The following PCDH1 variants were observed in gnomAD, a reference collection of about 807,000 sequenced individuals.
PCDH1 encodes protocadherin 1.
A neutral mutation model predicts 74.6 loss-of-function variants in PCDH1; 23 were observed. The ratio of observed to expected loss-of-function variants is 0.31; its 90% CI spans 0.22 to 0.44. The LOEUF (loss-of-function observed/expected upper bound fraction) is 0.44, where lower values mean the gene tolerates loss of function less well. Among genes scored for constraint, PCDH1 ranks in the 20% least tolerant of loss-of-function variants. PCDH1 has a pLI of 1.00. For synonymous variants in PCDH1, 647 were observed against 686.1 expected (o/e 0.94, Z 0.89); for missense variants, 1,214 against 1,641.4 (o/e 0.74, Z 4.50).
rs1752733539 is a variant in PCDH1, at chr5:141,864,629, T to G, written c.1702A>C (p.Thr568Pro). Residue 568 changes from threonine (T) to proline (P), a missense_variant, in exon 3 of 5, where the codon ACA (threonine) becomes CCA (proline). Physicochemically the swap from Thr to Pro is conservative, Grantham distance 38 (BLOSUM62 -1). Coordinates refer to ENST00000287008, the MANE Select transcript of PCDH1 (RefSeq NM_032420.5). This position sits in a 1 kb window ranked among gnomAD's most constrained non-coding sequence, Gnocchi z 5.9. Reference protein sequence around the residue: ...SPETGEIQVKTSLDREQRESY... With the variant: ...SPETGEIQVKPSLDREQRESY... Reference sequence around the variant, plus strand: ...TCCCGCTGTTCCCGATCCAGAGATGTCTTCACCTGGATCTCTCCAGTCTCG... The same window carrying G: ...TCCCGCTGTTCCCGATCCAGAGATGGCTTCACCTGGATCTCTCCAGTCTCG... 6.2e-7 allele frequency: 1 copy of G among 1,613,506 alleles called. No individual in the cohort carries two copies. Among genetic ancestry groups the G allele is most frequent in the Non-Finnish European group, 8.5e-7 (1 of 1,179,992 alleles).
chr5:141,863,535 C>A lies in PCDH1; in HGVS notation c.2796G>T (p.Gly932=). ...GGTTGAACTTGAGGGACTTCTGCAG[C>A]CCGGCCTCATCCTCGTCCTCCACTG... ...VKPVEDEDEA[G]LQKSLKFNLM... The change falls in exon 3 of 5, where the codon GGG becomes GGT. Residue 932 remains glycine (G), a synonymous_variant. Coordinates refer to ENST00000287008, the MANE Select transcript of PCDH1 (RefSeq NM_032420.5). The surrounding 1 kb of genome is among the most constrained non-coding windows in gnomAD (Gnocchi z 7.5). 1 of 1,614,054 alleles carries A rather than the reference C, an allele frequency of 6.2e-7. No individual in the cohort carries two copies. Among genetic ancestry groups the A allele is most frequent in the South Asian group, 1.1e-5 (1 of 91,072 alleles).
chr5:141,862,620 T>G (rs1287672981), intron 3 of PCDH1: 2 of 985,356 alleles, frequency 2.0e-6, no homozygotes, highest in Non-Finnish European at 2.4e-6. Flanking sequence ...TCTCGCTGCT[T>G]CTCTCAGTTC....
chr5:141,854,430 C>G lies in PCDH1; in HGVS notation c.3326G>C (p.Arg1109Pro). Residue 1109 changes from arginine to proline, a missense_variant, in exon 5 of 5, where the codon CGC becomes CCC. Physicochemically the swap from Arg to Pro is moderately radical, Grantham distance 103. Around this residue, in one of 4 missense-constraint regions of PCDH1, gnomAD observed 194 missense variants for 198.3 expected, o/e 0.98. Coordinates refer to ENST00000287008, the MANE Select transcript of PCDH1 (RefSeq NM_032420.5). ...TGTCATGGCGACATCAGGCAAAGGG[C>G]GAAGGTCTGTAGGAGGGAGCGGGGA... ...GEMEHPENDL[R>P]PLPDVAMTGT... The G allele has an allele frequency of 6.2e-7, 1 of 1,606,554 alleles. No homozygotes were observed.
rs564365842 is a variant in PCDH1, at chr5:141,858,328, A to G, written c.3100-857T>C. ...TGGAAACTCCCCAGTCCTCCCGATCAGGAAATAGAATATTCACTGGAGAGG... is the reference window on the plus strand; with the variant it reads ...TGGAAACTCCCCAGTCCTCCCGATCGGGAAATAGAATATTCACTGGAGAGG... On this transcript the variant is annotated intron_variant, in intron 3 of 4. Transcript: ENST00000287008. Among the ~76,000 whole-genome samples the G allele has an allele frequency of 6.6e-5, 10 of 152,358 alleles. No homozygotes were observed. In the East Asian group the frequency reaches 1.7e-3, roughly 26 times the overall value.
At chr5:141,858,073 T>C (rs771213093) in intron 3 of PCDH1, among the ~76,000 whole-genome samples, 1 of 152,186 alleles carries the variant, frequency 6.6e-6, no homozygotes. Context: ...GTCTCACTGC[T>C]CTTGCCACTG....
Position 141,868,638 on chromosome 5 carries a change from G to C in PCDH1, c.834C>G (p.Pro278=). The part of the protein sequence containing the change: ...VTVLDTNDNA[P]KFERPSYEAE... ...CCTCATAGGAGGGCCGCTCAAACTT[G>C]GGGGCGTTGTCATTGGTGTCAAGCA... The change falls in exon 2 of 5, where the codon CCC becomes CCG. Residue 278 remains proline, a synonymous_variant. Coordinates refer to ENST00000287008, the MANE Select transcript of PCDH1 (RefSeq NM_032420.5). This position sits in a 1 kb window ranked among gnomAD's most constrained non-coding sequence, Gnocchi z 4.8. 3 of 1,602,866 alleles carry C rather than the reference G, an allele frequency of 1.9e-6. No homozygotes were observed. In the South Asian group the frequency reaches 3.3e-5, roughly 18 times the overall value.
At chr5:141,859,390 T>C (rs1231719613) in intron 3 of PCDH1, among the ~76,000 whole-genome samples, 6 of 152,252 alleles carry the variant, frequency 3.9e-5, no homozygotes, top group African/African-American at 1.4e-4. Flanking sequence ...CACTTAATGT[T>C]CCCTCTAATT....
Position 141,878,372 on chromosome 5 carries a change from G to T in PCDH1, c.-110C>A. ...TGGCTCTGGGCGCAGCAGCCCGGCGGCTTTGCGTCCGCGCCGCGCTCCCGC... is the reference window on the plus strand; with the variant it reads ...TGGCTCTGGGCGCAGCAGCCCGGCGTCTTTGCGTCCGCGCCGCGCTCCCGC... On this transcript the variant is annotated 5_prime_UTR_variant, in exon 1 of 5. Coordinates refer to ENST00000287008, the MANE Select transcript of PCDH1 (RefSeq NM_032420.5). This position sits in a 1 kb window ranked among gnomAD's most constrained non-coding sequence, Gnocchi z 5.5. 2.4e-6 allele frequency: 2 copies of T among 833,386 alleles called. No individual in the cohort carries two copies. Among genetic ancestry groups the T allele is most frequent in the South Asian group, 5.7e-5 (1 of 17,582 alleles). 51.6% of individuals were successfully genotyped at this position (833,386 alleles called of 1,614,324 possible).
In PCDH1 at chr5:141,864,690, A is replaced by T; in HGVS notation, c.1641T>A (p.Pro547=). The T allele has an allele frequency of 1.9e-6, 3 of 1,614,160 alleles. No individual in the cohort carries two copies. Among genetic ancestry groups the T allele is most frequent in the Non-Finnish European group, 2.5e-6 (3 of 1,180,038 alleles). The change falls in exon 3 of 5, where the codon CCT becomes CCA. Residue 547 remains proline (P), a synonymous_variant. Coordinates refer to ENST00000287008, the MANE Select transcript of PCDH1 (RefSeq NM_032420.5). The surrounding 1 kb of genome is among the most constrained non-coding windows in gnomAD (Gnocchi z 5.9). The stretch of plus-strand genomic sequence containing the variant: ...TGAAGAGGCCCTTAGCAGCCGGCTC[A>T]GGCTCCAGAGAGTAAACCAGCTCAG... ...SNAELVYSLE[P]EPAAKGLFTI...
intron 1 of PCDH1, among the ~76,000 whole-genome samples, chr5:141,877,736 T>A (rs537122652): frequency 6.6e-6 from 1 of 152,276 alleles, no homozygotes; most frequent in East Asian, 1.9e-4. Flanking sequence ...TGTGTATATA[T>A]GTCCACGGTC....
intron 2 of PCDH1, chr5:141,867,584 G>A (rs1458087486): frequency 1.5e-5 from 7 of 453,314 alleles, no homozygotes; most frequent in African/African-American, 1.4e-4. Flanking sequence ...TTCTTTCTCA[G>A]TCTCTTTTCC....
At position 141,878,309 on chromosome 5, in the gene PCDH1, G is replaced by C; in HGVS notation, c.-47C>G. ...TGGGCTGCGGCTCCGCACGGCTGGG[G>C]CTGGAGCTGCAGTTCGGGCTCCGGC... On this transcript the variant is annotated 5_prime_UTR_variant, in exon 1 of 5. Coordinates refer to ENST00000287008, the MANE Select transcript of PCDH1 (RefSeq NM_032420.5). This position sits in a 1 kb window ranked among gnomAD's most constrained non-coding sequence, Gnocchi z 5.5. 4.2e-6 allele frequency: 5 copies of C among 1,204,098 alleles called. No homozygotes were observed. Among genetic ancestry groups the C allele is most frequent in the Non-Finnish European group, 5.2e-6 (5 of 970,034 alleles). 74.6% of individuals were successfully genotyped at this position (1,204,098 alleles called of 1,614,324 possible).
rs1752748128 is a variant in PCDH1, at chr5:141,864,857, G to A, written c.1474C>T (p.Leu492Phe). 2 of 1,614,110 alleles carry A rather than the reference G, an allele frequency of 1.2e-6. No homozygotes were observed. The highest frequency in any genetic ancestry group is 3.3e-5 in the Admixed American group (2 of 60,012). ...GNPPLSSTNS[L>F]KVQVVDVNDN... The stretch of plus-strand genomic sequence containing the variant: ...TTGACGTCCACCACCTGCACCTTGA[G>A]GGAGTTAGTGCTGGAGAGTGGGGGG... The change falls in exon 3 of 5, where the codon CTC (leucine) becomes TTC (phenylalanine). Residue 492 changes from leucine to phenylalanine, a missense_variant. This residue lies in a region of PCDH1 where 836 missense variants were observed against 1,182.2 expected (regional missense o/e 0.71). Transcript: ENST00000287008. The surrounding 1 kb of genome is among the most constrained non-coding windows in gnomAD (Gnocchi z 5.9).
At chr5:141,859,600 C>T (rs1358177331) in intron 3 of PCDH1, among the ~76,000 whole-genome samples, 2 of 152,178 alleles carry the variant, frequency 1.3e-5, no homozygotes, top group African/African-American at 4.8e-5. Flanking sequence ...CACCCAGACT[C>T]AGAAGGCTGA....
chr5:141,865,987 G>C lies in PCDH1; in HGVS notation c.904-560C>G. On this transcript the variant is annotated intron_variant, in intron 2 of 4. Coordinates refer to ENST00000287008, the MANE Select transcript of PCDH1 (RefSeq NM_032420.5). The surrounding 1 kb of genome is among the most constrained non-coding windows in gnomAD (Gnocchi z 4.4). The stretch of plus-strand genomic sequence containing the variant: ...TGTTTGTATGTGTATGATTGTGTCA[G>C]AATGTGTGATTATGTGTGATTTTTG... The C allele has an allele frequency of 2.2e-6, 2 of 912,690 alleles. No individual in the cohort carries two copies. The highest frequency in any genetic ancestry group is 1.3e-6 in the Non-Finnish European group (1 of 760,596). The allele number at this position is 912,690 out of a possible 1,614,324, so 56.5% of individuals were successfully genotyped here.
chr5:141,869,110 C>T lies in PCDH1; in HGVS notation c.362G>A (p.Arg121His), dbSNP rs145360303. The change falls in exon 2 of 5, where the codon CGT (arginine) becomes CAT (histidine). Residue 121 changes from arginine (R) to histidine (H), a missense_variant. Physicochemically the swap from Arg to His is conservative, Grantham distance 29. This residue lies in a region of PCDH1 where 97 missense variants were observed against 173.2 expected (regional missense o/e 0.56). Transcript: ENST00000287008. This position sits in a 1 kb window ranked among gnomAD's most constrained non-coding sequence, Gnocchi z 4.9. ...TETSIDREGL[R>H]ECQNQLPGDP... The stretch of plus-strand genomic sequence containing the variant: ...ACCAGGGAGCTGGTTCTGGCATTCA[C>T]GGAGCCCCTCACGGTCGATGGAGGT... 6.5e-5 allele frequency: 105 copies of T among 1,613,726 alleles called. No homozygotes were observed. The Admixed American group carries it at 1.2e-3, about 19-fold the overall frequency.
chr5:141,856,704 C>A (rs1328022766), intron 4 of PCDH1, among the ~76,000 whole-genome samples: 1 of 152,108 alleles, frequency 6.6e-6, no homozygotes, highest in South Asian at 2.1e-4. Context: ...CCTCCTACCG[C>A]GCTCTTCCTC....
chr5:141,865,493 G>T lies in PCDH1; in HGVS notation c.904-66C>A. On this transcript the variant is annotated intron_variant, in intron 2 of 4. Coordinates refer to ENST00000287008, the MANE Select transcript of PCDH1 (RefSeq NM_032420.5). This position sits in a 1 kb window ranked among gnomAD's most constrained non-coding sequence, Gnocchi z 4.4. Reference sequence around the variant, plus strand: ...TTAGATCAGGGATAGCAAATAAAGGGGCACACATGCTGCCAATGTCCTTTC... The same window carrying T: ...TTAGATCAGGGATAGCAAATAAAGGTGCACACATGCTGCCAATGTCCTTTC... The T allele has an allele frequency of 6.6e-7, 1 of 1,520,780 alleles. No individual in the cohort carries two copies. The highest frequency in any genetic ancestry group is 8.9e-7 in the Non-Finnish European group (1 of 1,123,978). 94.2% of individuals were successfully genotyped at this position (1,520,780 alleles called of 1,614,324 possible).
Position 141,864,952 on chromosome 5 carries a change from G to T in PCDH1, c.1379C>A (p.Thr460Asn). 1 of 1,614,142 alleles carries T rather than the reference G, an allele frequency of 6.2e-7. No individual in the cohort carries two copies. The highest frequency in any genetic ancestry group is 1.1e-5 in the South Asian group (1 of 91,084). The change falls in exon 3 of 5, where the codon ACT (threonine) becomes AAT (asparagine). Residue 460 changes from threonine (T) to asparagine (N), a missense_variant. Thr to Asn is a moderately conservative substitution (Grantham distance 65). This residue lies in a region of PCDH1 where 836 missense variants were observed against 1,182.2 expected (regional missense o/e 0.71). Coordinates refer to ENST00000287008, the MANE Select transcript of PCDH1 (RefSeq NM_032420.5). The surrounding 1 kb of genome is among the most constrained non-coding windows in gnomAD (Gnocchi z 5.9). ...SDSKKKYFLQ[T>N]TTPLDYEKVK... ...CTTCTCGTAGTCTAGCGGGGTGGTA[G>T]TCTGCAGGAAATACTTCTTCTTGCT...
Sources: gnomAD v4.1 joint callset for allele counts (sites outside exome capture counted in the v4.1 genomes callset) on GRCh38, gnomAD v4.1.1 for gene constraint, gnomAD v4.1.1 regional missense constraint, Gnocchi (gnomAD v3.1) non-coding constraint, MANE v1.5 for transcripts, NCBI Gene and HGNC (gene_info 2026-07-23, HGNC 2026-07-21) for gene names.